The following NUDT7 variants were observed in gnomAD, a reference collection of about 807,000 sequenced individuals.
The protein encoded by NUDT7 is nudix hydrolase 7.
In NUDT7, 19 loss-of-function variants were observed where a neutral mutation model predicts 13.1. The ratio of observed to expected loss-of-function variants is 1.45; its 90% CI spans 1.01 to 2.13. The LOEUF (loss-of-function observed/expected upper bound fraction) is 2.13. NUDT7 is among the 30% of genes most tolerant of loss of function. The probability of loss-of-function intolerance (pLI) is 0.00; values close to 1 mark genes in which losing one functional copy is unlikely to be tolerated. For synonymous variants in NUDT7, 132 were observed against 109.7 expected, an observed-to-expected ratio of 1.20 and a Z score of -1.27; for missense variants, 360 against 291.7, an observed-to-expected ratio of 1.23 and a Z score of -1.71.
chr16:77,725,621 G>C (rs756373634), intron 2 of NUDT7, 37 bp downstream of exon 2: 2 of 1,599,814 alleles, frequency 1.3e-6, no homozygotes, highest in Non-Finnish European at 1.7e-6. Flanking sequence ...TTAAACCTCA[G>C]GACATCAGAA....
At chr16:77,728,528 C>A (rs143129088) in intron 2 of NUDT7, among the ~76,000 whole-genome samples, 2 of 152,182 alleles carry the variant, frequency 1.3e-5, no homozygotes, top group Non-Finnish European at 2.9e-5. Context: ...TGTGCCACCA[C>A]GCCCAGCCTG....
intron 1 of NUDT7, among the ~76,000 whole-genome samples, chr16:77,723,981 T>C (rs1212688405): frequency 6.6e-6 from 1 of 152,088 alleles, no homozygotes; most frequent in Non-Finnish European, 1.5e-5. Flanking sequence ...AAAAGTAAAA[T>C]CAGCTGTTCC....
At chr16:77,733,807 G>A (rs1001547922) in intron 2 of NUDT7, among the ~76,000 whole-genome samples, 2 of 152,182 alleles carry the variant, frequency 1.3e-5, no homozygotes, top group Non-Finnish European at 2.9e-5. Flanking sequence ...CTGAGCCTGA[G>A]GGCTCCTTGA....
intron 2 of NUDT7, among the ~76,000 whole-genome samples, chr16:77,732,269 A>C (rs1249144849): frequency 1.3e-5 from 2 of 152,016 alleles, no homozygotes. Context: ...CAGAGGCTGC[A>C]GTGAGCTGAG....
intron 3 of NUDT7, among the ~76,000 whole-genome samples, chr16:77,741,094 A>C (rs146204240): frequency 6.6e-6 from 1 of 152,180 alleles, no homozygotes; most frequent in African/African-American, 2.4e-5. Flanking sequence ...AAAGATGTCT[A>C]TCCCATTGTT....
At chr16:77,724,119 G>C (rs905509332) in intron 1 of NUDT7, among the ~76,000 whole-genome samples, 1 of 152,138 alleles carries the variant, frequency 6.6e-6, no homozygotes, top group Admixed American at 6.5e-5. Flanking sequence ...CCCTTAGAAG[G>C]CTCTGGGGGT....
chr16:77,737,631 G>A (rs1048145233), intron 3 of NUDT7, among the ~76,000 whole-genome samples: 3 of 151,994 alleles, frequency 2.0e-5, no homozygotes, highest in Non-Finnish European at 4.4e-5. Flanking sequence ...GACTACAGGC[G>A]CCCATCACCG....
Position 77,735,972 on chromosome 16 carries a change from C to G in NUDT7, c.334C>G (p.Pro112Ala). ...AGTGGAAGTTGTCTGCTGCCTGGTGCCATGTCTTATTGATGTAAGGGTTTC... is the reference window on the plus strand; with the variant it reads ...AGTGGAAGTTGTCTGCTGCCTGGTGGCATGTCTTATTGATGTAAGGGTTTC... ...HQVEVVCCLV[P>A]CLIDTDTLIT... The change falls in exon 3 of 4, where the codon CCA becomes GCA. Residue 112 changes from proline to alanine, a missense_variant. Pro to Ala is a conservative substitution (Grantham distance 27, BLOSUM62 -1). Coordinates refer to ENST00000268533, the MANE Select transcript of NUDT7 (RefSeq NM_001105663.3). The G allele has an allele frequency of 2.5e-6, 4 of 1,614,038 alleles. No homozygotes were observed. Among genetic ancestry groups the G allele is most frequent in the Non-Finnish European group, 2.5e-6 (3 of 1,179,942 alleles).
intron 3 of NUDT7, among the ~76,000 whole-genome samples, chr16:77,738,522 C>T (rs1041396567): frequency 9.2e-5 from 14 of 152,158 alleles, no homozygotes; most frequent in Admixed American, 7.2e-4. Context: ...ATCTAATCTA[C>T]GTGGCTCTTA....
rs1295626485 is a variant in NUDT7 at position 77,740,177 on chromosome 16, T to C, written c.349-1405T>C. ...CCCCAAATTTCCTGCCCCAAGGACA[T>C]ACGAAGTCTATGTTCCTCTTGTCTC... On this transcript the variant is annotated intron_variant, in intron 3 of 3. Coordinates refer to ENST00000268533, the MANE Select transcript of NUDT7 (RefSeq NM_001105663.3). 2.6e-5 allele frequency among the ~76,000 whole-genome samples: 4 copies of C among 152,176 alleles called. No individual in the cohort carries two copies. The East Asian group carries it at 7.7e-4, about 29-fold the overall frequency.
Position 77,741,353 on chromosome 16 carries a change from T to C in NUDT7, c.349-229T>C, listed in dbSNP as rs2014653610. On this transcript the variant is annotated intron_variant, in intron 3 of 3. Transcript: ENST00000268533. The stretch of plus-strand genomic sequence containing the variant: ...GCCATTCCAAAAGATTGTACTACTT[T>C]ATGTTCATACAAGAAATCATTTTCA... The C allele has an allele frequency of 4.1e-6, 2 of 487,664 alleles. 1 individual carries two copies. Among genetic ancestry groups the C allele is most frequent in the South Asian group, 6.6e-5 (2 of 30,464 alleles). The allele number at this position is 487,664 out of a possible 1,614,324, so 30.2% of individuals were successfully genotyped here.
intron 2 of NUDT7, among the ~76,000 whole-genome samples, chr16:77,726,204 G>C (rs150642768): frequency 2.0e-5 from 3 of 152,308 alleles, no homozygotes; most frequent in Admixed American, 2.0e-4. Context: ...CTTTGGCCTC[G>C]TTACTTGCCC....
chr16:77,736,118 A>T, intron 3 of NUDT7, 132 bp downstream of exon 3: 1 of 838,888 alleles, frequency 1.2e-6, no homozygotes, highest in South Asian at 1.8e-5. Context: ...AGGTTCTCCT[A>T]CAGACATTGC....
chr16:77,735,823 T>A lies in NUDT7; in HGVS notation c.190-5T>A. ...ACATTGTAGCGCTGTTCTTTCTATA[T>A]CCAGCTAAGAAGGGCCCCTGGAGAA... On this transcript the variant is annotated splice_region_variant and splice_polypyrimidine_tract_variant and intron_variant, in intron 2 of 3. Transcript: ENST00000268533. 1.9e-6 allele frequency: 3 copies of A among 1,612,372 alleles called. No individual in the cohort carries two copies. Among genetic ancestry groups the A allele is most frequent in the Non-Finnish European group, 2.5e-6 (3 of 1,178,690 alleles).
Position 77,722,560 on chromosome 16 carries a change from G to A in NUDT7, c.-23G>A, listed in dbSNP as rs1049331751. 4 of 1,578,262 alleles carry A rather than the reference G, an allele frequency of 2.5e-6. No homozygotes were observed. Among genetic ancestry groups the A allele is most frequent in the African/African-American group, 2.7e-5 (2 of 74,088 alleles). On this transcript the variant is annotated 5_prime_UTR_variant, in exon 1 of 4. Transcript: ENST00000268533. ...CCGAGCAGCTCCGAGGAGTCCGCCCGGAAACAAACATTCCCCAGGGCAATG... is the reference window on the plus strand; with the variant it reads ...CCGAGCAGCTCCGAGGAGTCCGCCCAGAAACAAACATTCCCCAGGGCAATG...
chr16:77,728,564 C>G (rs184157390), intron 2 of NUDT7, among the ~76,000 whole-genome samples: 1 of 152,108 alleles, frequency 6.6e-6, no homozygotes, highest in Non-Finnish European at 1.5e-5. Flanking sequence ...TCTTAATCAC[C>G]TCGGTTTTCT....
chr16:77,726,956 G>C (rs867406558), intron 2 of NUDT7, among the ~76,000 whole-genome samples: 1 of 115,508 alleles, frequency 8.7e-6, no homozygotes, highest in African/African-American at 3.8e-5. Context: ...TCATGGCAGA[G>C]GGGGAGCAGG....
At chr16:77,732,628 T>A (rs929586508) in intron 2 of NUDT7, among the ~76,000 whole-genome samples, 19 of 152,340 alleles carry the variant, frequency 1.2e-4, no homozygotes, top group Admixed American at 1.3e-4. Context: ...GACAGTAAAA[T>A]GGTATACAGG....
chr16:77,727,897 G>C (rs535224480), intron 2 of NUDT7, among the ~76,000 whole-genome samples: 1 of 151,874 alleles, frequency 6.6e-6, no homozygotes, highest in East Asian at 1.9e-4. Flanking sequence ...ATAAATAAAA[G>C]AGAATTGTCT....
Sources: gnomAD v4.1 joint callset for allele counts (sites outside exome capture counted in the v4.1 genomes callset) on GRCh38, gnomAD v4.1.1 for gene constraint, MANE v1.5 for transcripts, NCBI Gene and HGNC (gene_info 2026-07-23, HGNC 2026-07-21) for gene names.